Variants in ARHGEF7 observed in about 807,000 individuals in gnomAD.
The protein encoded by ARHGEF7 is PAK-interacting exchange factor beta.
A neutral mutation model predicts 109.8 loss-of-function variants in ARHGEF7; 33 were observed. The observed-to-expected ratio is 0.30, with a 90% CI of 0.23 to 0.40. The LOEUF is 0.40. Ranked by LOEUF, ARHGEF7 falls within the 10% of genes least tolerant of loss-of-function variation. The pLI is 1.00. For synonymous variants in ARHGEF7, 458 were observed against 424.6 expected (o/e 1.08, Z -0.97); for missense variants, 938 against 1,098.5 (o/e 0.85, Z 2.07).
intron 19 of ARHGEF7, chr13:111,292,613 T>A: frequency 1.6e-6 from 2 of 1,225,878 alleles, no homozygotes; most frequent in Non-Finnish European, 2.0e-6. Flanking sequence ...GGTTTTTTTA[T>A]TCTCAGTGTA....
At position 111,273,059 on chromosome 13, in the gene ARHGEF7, T is replaced by C. The variant is rs1215070303; in HGVS notation, c.1074-755T>C. On this transcript the variant is annotated intron_variant, in intron 9 of 21. Coordinates refer to ENST00000646102, the MANE Select transcript of ARHGEF7 (RefSeq NM_001354046.2). The surrounding 1 kb of genome is among the most constrained non-coding windows in gnomAD (Gnocchi z 4.5). Reference sequence around the variant, plus strand: ...AAGTTCTAAAACTTGTTTCTGACTCTTTAATTTTGGGATATGCACTGTTTC... The same window carrying C: ...AAGTTCTAAAACTTGTTTCTGACTCCTTAATTTTGGGATATGCACTGTTTC... 2.6e-5 allele frequency among the ~76,000 whole-genome samples: 4 copies of C among 152,328 alleles called. No homozygotes were observed. Among genetic ancestry groups the C allele is most frequent in the South Asian group, 4.1e-4 (2 of 4,826 alleles).
intron 13 of ARHGEF7, among the ~76,000 whole-genome samples, chr13:111,278,039 A>G (rs1567053227): frequency 6.6e-6 from 1 of 152,200 alleles, no homozygotes; most frequent in Non-Finnish European, 1.5e-5. Context: ...TTAGTGGGGT[A>G]GTGTAGACTA....
rs186513698 is a variant in ARHGEF7 at position 111,273,264 on chromosome 13, G to A, written c.1074-550G>A. On this transcript the variant is annotated intron_variant, in intron 9 of 21. Coordinates refer to ENST00000646102, the MANE Select transcript of ARHGEF7 (RefSeq NM_001354046.2). The surrounding 1 kb of genome is among the most constrained non-coding windows in gnomAD (Gnocchi z 4.5). ...TTGAAGTTCTGAAGCCTAAATCAGC[G>A]TTTGCTCTCTTCTCTTGCTGCTTCT... is the stretch of plus-strand genomic sequence containing the variant. Among the ~76,000 whole-genome samples, 203 of 152,302 alleles carry A rather than the reference G, an allele frequency of 1.3e-3. No homozygotes were observed. Among genetic ancestry groups the A allele is most frequent in the African/African-American group, 4.5e-3 (185 of 41,570 alleles).
chr13:111,196,802 AAAAG>A (rs764736194), intron 2 of ARHGEF7, among the ~76,000 whole-genome samples: 6 of 152,030 alleles, frequency 3.9e-5, no homozygotes, highest in Non-Finnish European at 8.8e-5. Flanking sequence ...TCCTTCAATG[AAAAG>A]AAAGCTGGAC....
chr13:111,292,066 C>A, intron 18 of ARHGEF7, 52 bp from the exon 19 acceptor site: 1 of 1,511,770 alleles, frequency 6.6e-7, no homozygotes, highest in Non-Finnish European at 9.1e-7. Flanking sequence ...TCCTGTCGTT[C>A]TCCTCCTCAC....
At chr13:111,167,192 T>C (rs564829806) in intron 2 of ARHGEF7, among the ~76,000 whole-genome samples, 12 of 152,218 alleles carry the variant, frequency 7.9e-5, no homozygotes, top group African/African-American at 2.9e-4. Flanking sequence ...CATGCAAAAA[T>C]AGGTTTGTGG....
At chr13:111,234,928 G>T (rs2153530091) in intron 6 of ARHGEF7, among the ~76,000 whole-genome samples, 1 of 152,252 alleles carries the variant, frequency 6.6e-6, no homozygotes, top group South Asian at 2.1e-4. Context: ...CCAGGATTTG[G>T]CTCTACTAAC....
chr13:111,256,179 G>A (rs150433084), intron 8 of ARHGEF7, among the ~76,000 whole-genome samples: 88 of 152,198 alleles, frequency 5.8e-4, no homozygotes, highest in African/African-American at 2.0e-3. Context: ...TGGAGGAGGC[G>A]GTAGCTACGG....
In ARHGEF7 at chr13:111,280,258, G is replaced by T; in HGVS notation, c.1507-14G>T. ...CTAATTGTTTTTTTTTTTGTGGGGG[G>T]GGGTCTTTTTTAGGGAAAGCTTCCA... On this transcript the variant is annotated splice_polypyrimidine_tract_variant and intron_variant, in intron 13 of 21. Coordinates refer to ENST00000646102, the MANE Select transcript of ARHGEF7 (RefSeq NM_001354046.2). 1 of 1,601,566 alleles carries T rather than the reference G, an allele frequency of 6.2e-7. No homozygotes were observed. Among genetic ancestry groups the T allele is most frequent in the Non-Finnish European group, 8.5e-7 (1 of 1,174,706 alleles).
chr13:111,207,592 C>T (rs1436996205), intron 3 of ARHGEF7, among the ~76,000 whole-genome samples: 1 of 152,206 alleles, frequency 6.6e-6, no homozygotes, highest in Non-Finnish European at 1.5e-5. Flanking sequence ...TTAGAGGTTG[C>T]TCACAGGAGC....
At chr13:111,161,659 A>G (rs954402540) in intron 2 of ARHGEF7, among the ~76,000 whole-genome samples, 2 of 152,162 alleles carry the variant, frequency 1.3e-5, no homozygotes, top group African/African-American at 4.8e-5. Flanking sequence ...CAGTAAATAG[A>G]GCTATGTAAG....
intron 2 of ARHGEF7, chr13:111,185,064 G>C (rs760049679): frequency 6.6e-6 from 1 of 151,980 alleles, no homozygotes; most frequent in South Asian, 2.1e-4. Context: ...ATCAGGTTCC[G>C]GTTAGAATCC....
In ARHGEF7 at chr13:111,267,528, T is replaced by G. The variant is rs2091762954; in HGVS notation, c.951-20T>G. On this transcript the variant is annotated intron_variant, in intron 8 of 21. Coordinates refer to ENST00000646102, the MANE Select transcript of ARHGEF7 (RefSeq NM_001354046.2). The stretch of plus-strand genomic sequence containing the variant: ...TCTGTAAAACTGATGACTATTTCCC[T>G]TTGTGTCGCATTTCTCCAGGTTGCC... 3.1e-6 allele frequency: 5 copies of G among 1,613,132 alleles called. No individual in the cohort carries two copies. The highest frequency in any genetic ancestry group is 4.2e-6 in the Non-Finnish European group (5 of 1,179,474).
At chr13:111,206,363 G>A (rs995454577) in intron 3 of ARHGEF7, among the ~76,000 whole-genome samples, 4 of 152,126 alleles carry the variant, frequency 2.6e-5, no homozygotes, top group African/African-American at 7.2e-5. Flanking sequence ...GCCTCCCAGC[G>A]CATGTGTGCT....
chr13:111,302,568 G>A (rs1271002339), intron 21 of ARHGEF7, among the ~76,000 whole-genome samples: 3 of 152,192 alleles, frequency 2.0e-5, no homozygotes, highest in African/African-American at 7.2e-5. Context: ...ACATGCCTGG[G>A]TTCAGCTGCA....
At chr13:111,198,475 G>A (rs1202713578) in intron 2 of ARHGEF7, among the ~76,000 whole-genome samples, 1 of 152,092 alleles carries the variant, frequency 6.6e-6, no homozygotes, top group African/African-American at 2.4e-5. Context: ...TCCTTCAGAT[G>A]TGTCCAGAGT....
At chr13:111,271,144 T>C (rs1319465210) in intron 9 of ARHGEF7, among the ~76,000 whole-genome samples, 1 of 152,206 alleles carries the variant, frequency 6.6e-6, no homozygotes, top group African/African-American at 2.4e-5. Flanking sequence ...CAGTGATGTT[T>C]GGAGCATTGA....
intron 19 of ARHGEF7, among the ~76,000 whole-genome samples, chr13:111,295,874 G>A (rs879576058): frequency 1.3e-5 from 2 of 152,220 alleles, no homozygotes; most frequent in Non-Finnish European, 2.9e-5. Context: ...ATTTAAGAAG[G>A]TGAATTATCC....
Position 111,269,065 on chromosome 13 carries a change from C to T in ARHGEF7, c.1073+1395C>T, listed in dbSNP as rs1041900257. Among the ~76,000 whole-genome samples the T allele has an allele frequency of 9.2e-5, 14 of 152,328 alleles. No individual in the cohort carries two copies. The East Asian group carries it at 2.3e-3, about 25-fold the overall frequency. ...GCAGAAAAGGAAAACCCAAAGAACC[C>T]TCCCTCTGCACGTCCCGCTTGGGAG... On this transcript the variant is annotated intron_variant, in intron 9 of 21. Coordinates refer to ENST00000646102, the MANE Select transcript of ARHGEF7 (RefSeq NM_001354046.2).
Sources: allele counts gnomAD v4.1 joint callset (sites outside exome capture counted in the v4.1 genomes callset), GRCh38; gene constraint gnomAD v4.1.1; non-coding constraint Gnocchi (gnomAD v3.1); transcripts MANE v1.5; gene names NCBI Gene and HGNC (gene_info 2026-07-23, HGNC 2026-07-21).